PIK3CB: variants seen among roughly 807,000 people sequenced by gnomAD.
The protein encoded by PIK3CB is phosphatidylinositol-4,5-bisphosphate 3-kinase catalytic subunit beta.
PIK3CB carries 39 observed loss-of-function variants against 136.8 expected under a neutral mutation model. The observed-to-expected ratio is 0.29, with a 90% confidence interval of 0.22 to 0.37. The LOEUF is 0.37. Among genes scored for constraint, PIK3CB ranks in the 10% least tolerant of loss-of-function variants. The pLI is 1.00. For missense variants in PIK3CB, 868 were observed against 1,275.4 expected (o/e 0.68, Z 4.87); for synonymous variants, 428 against 436.6 (o/e 0.98, Z 0.25).
chr3:138,821,436 G>T (rs1367495489), intron 1 of PIK3CB, among the ~76,000 whole-genome samples: 2 of 151,850 alleles, frequency 1.3e-5, no homozygotes, highest in Non-Finnish European at 2.9e-5. Flanking sequence ...AGAGATATTA[G>T]ACAATACTTG....
At chr3:138,773,413 A>C (rs1006727114) in intron 2 of PIK3CB, among the ~76,000 whole-genome samples, 1 of 152,144 alleles carries the variant, frequency 6.6e-6, no homozygotes, top group African/African-American at 2.4e-5. Context: ...AAAAGTATAA[A>C]GATAAATTTA....
intron 8 of PIK3CB, among the ~76,000 whole-genome samples, chr3:138,718,066 G>A (rs1310322623): frequency 6.6e-6 from 1 of 152,158 alleles, no homozygotes; most frequent in Non-Finnish European, 1.5e-5. Flanking sequence ...TAGGATTGAT[G>A]GGTCAAATGG....
At chr3:138,738,545 C>T (rs2045165339) in intron 5 of PIK3CB, among the ~76,000 whole-genome samples, 2 of 129,256 alleles carry the variant, frequency 1.5e-5, no homozygotes, top group South Asian at 5.9e-4. Flanking sequence ...GACAGCCATA[C>T]TTTATACGAA....
At chr3:138,751,691 C>A (rs1259948253) in intron 4 of PIK3CB, among the ~76,000 whole-genome samples, 1 of 151,838 alleles carries the variant, frequency 6.6e-6, no homozygotes, top group Non-Finnish European at 1.5e-5. Flanking sequence ...CAGACTAGGT[C>A]GGACATGGTG....
chr3:138,700,692 AAGATAGATAGATAGATAGAT>A (rs56054471), intron 12 of PIK3CB, among the ~76,000 whole-genome samples: 41 of 143,876 alleles, frequency 2.8e-4, no homozygotes, highest in African/African-American at 7.5e-4. Context: ...TGACTCTAAA[AAGATAGATAGATAGATAGAT>A]AGATAGATAG....
At chr3:138,784,165 C>A (rs1041166069) in intron 2 of PIK3CB, among the ~76,000 whole-genome samples, 1 of 152,160 alleles carries the variant, frequency 6.6e-6, no homozygotes, top group African/African-American at 2.4e-5. Flanking sequence ...ACAAGTGGAT[C>A]ACCTGAGGTC....
In PIK3CB at chr3:138,817,589, TA is replaced by T. The variant is rs561273300; in HGVS notation, c.-122+17105del. On this transcript the variant is annotated intron_variant, in intron 1 of 23. Transcript: ENST00000674063. ...ATTAATTAATCCTTGCAGGCACCCC[TA>T]AAACTACTGAGCCAAAATACACAAC... 4.6e-5 allele frequency among the ~76,000 whole-genome samples: 7 copies of T among 152,280 alleles called. No individual in the cohort carries two copies. The East Asian group carries it at 1.4e-3, about 29-fold the overall frequency.
At chr3:138,774,881 TAA>T (rs1322758418) in intron 2 of PIK3CB, among the ~76,000 whole-genome samples, 3 of 152,260 alleles carry the variant, frequency 2.0e-5, no homozygotes, top group Non-Finnish European at 4.4e-5. Flanking sequence ...ATGTAAAAAT[TAA>T]AAGAGCATCC....
rs1452131936 is a variant in PIK3CB, at chr3:138,653,509, G to A, written c.*1880C>T. 2 of 180,554 alleles carry A rather than the reference G, an allele frequency of 1.1e-5. No individual in the cohort carries two copies. The highest frequency in any genetic ancestry group is 1.2e-5 in the Non-Finnish European group (1 of 84,482). The allele number at this position is 180,554 out of a possible 1,614,324, so 11.2% of individuals were successfully genotyped here. A position where few individuals can be genotyped will look rare whatever the true frequency, so the allele number is the denominator to read the frequency against. On this transcript the variant is annotated 3_prime_UTR_variant, in exon 24 of 24. Coordinates refer to ENST00000674063, the MANE Select transcript of PIK3CB (RefSeq NM_006219.3). ...ATGGTATCCATTTCTTCCTGGCAGT[G>A]TTCACCATTCTCCAAACCACTGACC...
chr3:138,655,614 G>A (rs1326585094), intron 23 of PIK3CB, 88 bp from the exon 24 acceptor site: 1 of 963,820 alleles, frequency 1.0e-6, no homozygotes, highest in Non-Finnish European at 1.6e-6. Context: ...GATTGGTTGT[G>A]CCTCCCCAGC....
Position 138,777,903 on chromosome 3 carries a change from G to A in PIK3CB, c.-16-18544C>T, listed in dbSNP as rs555903843. 179 of 258,616 alleles carry A rather than the reference G, an allele frequency of 6.9e-4. 7 individuals are homozygous for A. Among genetic ancestry groups the A allele is most frequent in the Non-Finnish European group, 1.2e-3 (151 of 127,842 alleles). The allele number at this position is 258,616 out of a possible 1,614,324, so 16.0% of individuals were successfully genotyped here. On this transcript the variant is annotated intron_variant, in intron 2 of 23. Coordinates refer to ENST00000674063, the MANE Select transcript of PIK3CB (RefSeq NM_006219.3). ...CACCAAGGCTGCTTTTAACTCTGGCGAAGTGGATATTGTCTCATCAAGGAC... is the reference window on the plus strand; with the variant it reads ...CACCAAGGCTGCTTTTAACTCTGGCAAAGTGGATATTGTCTCATCAAGGAC...
intron 1 of PIK3CB, among the ~76,000 whole-genome samples, chr3:138,801,153 T>C (rs1004997635): frequency 6.6e-6 from 1 of 152,104 alleles, no homozygotes; most frequent in African/African-American, 2.4e-5. Context: ...CAAAATTCTC[T>C]AGGCACAGTA....
chr3:138,771,136 A>G (rs2045794128), intron 2 of PIK3CB, among the ~76,000 whole-genome samples: 1 of 152,142 alleles, frequency 6.6e-6, no homozygotes, highest in South Asian at 2.1e-4. Context: ...AAAGACAACA[A>G]ATCAGCCCCA....
intron 1 of PIK3CB, among the ~76,000 whole-genome samples, chr3:138,827,290 A>C (rs975078530): frequency 3.3e-5 from 5 of 152,154 alleles, no homozygotes; most frequent in Admixed American, 6.6e-5. Flanking sequence ...TTTGTCATTA[A>C]TTGCTTAATG....
chr3:138,782,151 C>T lies in PIK3CB; in HGVS notation c.-17+14312G>A, dbSNP rs79885554. ...TATTTCAAAAGCAACTAGTATCATACCAATACATTTGCCTACAACTAAAAC... is the reference window on the plus strand; with the variant it reads ...TATTTCAAAAGCAACTAGTATCATATCAATACATTTGCCTACAACTAAAAC... On this transcript the variant is annotated intron_variant, in intron 2 of 23. Transcript: ENST00000674063. Among the ~76,000 whole-genome samples the T allele has an allele frequency of 3.8e-3, 574 of 152,282 alleles. 5 individuals are homozygous for T. Among genetic ancestry groups the T allele is most frequent in the African/African-American group, 0.013 (551 of 41,558 alleles).
intron 1 of PIK3CB, among the ~76,000 whole-genome samples, chr3:138,804,886 G>A (rs530503070): frequency 1.3e-5 from 2 of 152,066 alleles, no homozygotes; most frequent in South Asian, 2.1e-4. Context: ...TTAGCTGGGC[G>A]TGGTGGTGGG....
intron 14 of PIK3CB, 24 bp downstream of exon 14, chr3:138,694,762 A>G (rs749178452): frequency 1.2e-6 from 2 of 1,609,414 alleles, no homozygotes; most frequent in East Asian, 2.2e-5. Context: ...CCTTGCCCCA[A>G]AGAAAACCAC....
In PIK3CB at chr3:138,820,937, C is replaced by T. The variant is rs555753525; in HGVS notation, c.-122+13758G>A. 4.6e-5 allele frequency among the ~76,000 whole-genome samples: 7 copies of T among 152,276 alleles called. No individual in the cohort carries two copies. The South Asian group carries it at 1.4e-3, about 32-fold the overall frequency. ...AAACAATAATGCAACAAATAGCCTT[C>T]ACCATACATGATTTTCCACACATGT... is the stretch of plus-strand genomic sequence containing the variant. On this transcript the variant is annotated intron_variant, in intron 1 of 23. Transcript: ENST00000674063.
In PIK3CB at chr3:138,748,032, A is replaced by C. The variant is rs57296796; in HGVS notation, c.398-5251T>G. On this transcript the variant is annotated intron_variant, in intron 4 of 23. Transcript: ENST00000674063. ...ACCTATCAGGTTGGCACATATTTTA[A>C]AATTTGATAATACCCTGTGCTGGAA... is the stretch of plus-strand genomic sequence containing the variant. Among the ~76,000 whole-genome samples the C allele has an allele frequency of 3.7e-3, 561 of 152,300 alleles. 3 individuals are homozygous for C. The highest frequency in any genetic ancestry group is 0.013 in the African/African-American group (536 of 41,550).
Sources: allele counts gnomAD v4.1 joint callset (sites outside exome capture counted in the v4.1 genomes callset), GRCh38; gene constraint gnomAD v4.1.1; transcripts MANE v1.5; gene names NCBI Gene and HGNC (gene_info 2026-07-23, HGNC 2026-07-21).